Variants in ADGRD1 observed in about 807,000 individuals in gnomAD.
ADGRD1 encodes the protein adhesion G protein-coupled receptor D1.
ADGRD1 carries 77 observed loss-of-function variants against 113.4 expected under a neutral mutation model. The observed-to-expected ratio is 0.68, with a 90% CI of 0.57 to 0.82. The LOEUF (loss-of-function observed/expected upper bound fraction) is 0.82. Among genes scored for constraint, ADGRD1 ranks in the 40% least tolerant of loss-of-function variants. ADGRD1 has a pLI of 0.00. For synonymous variants in ADGRD1, 474 were observed against 475.0 expected, an observed-to-expected ratio of 1.00 and a Z score of 0.03; for missense variants, 1,036 against 1,139.1, an observed-to-expected ratio of 0.91 and a Z score of 1.30.
At chr12:131,116,040 C>T (rs569363409) in intron 18 of ADGRD1, among the ~76,000 whole-genome samples, 34 of 152,236 alleles carry the variant, frequency 2.2e-4, no homozygotes, top group Non-Finnish European at 4.3e-4. Flanking sequence ...CATCTTACTG[C>T]CCCTCTCCTT....
At chr12:131,015,401 AATGGAG>A (rs934482531) in intron 13 of ADGRD1, among the ~76,000 whole-genome samples, 20 of 141,074 alleles carry the variant, frequency 1.4e-4, no homozygotes, top group African/African-American at 5.4e-4. Flanking sequence ...TGGACATGGG[AATGGAG>A]ATGGAGATGG....
chr12:131,033,356 C>G (rs1359286898), intron 13 of ADGRD1, among the ~76,000 whole-genome samples: 1 of 152,246 alleles, frequency 6.6e-6, no homozygotes, highest in East Asian at 1.9e-4. Context: ...ATGCACCCCA[C>G]AAGCACTGCC....
chr12:131,054,030 T>C (rs754704587), intron 13 of ADGRD1, among the ~76,000 whole-genome samples: 2 of 152,196 alleles, frequency 1.3e-5, no homozygotes, highest in Non-Finnish European at 2.9e-5. Context: ...CCTTGGGTTT[T>C]AACCCCTCAC....
intron 2 of ADGRD1, among the ~76,000 whole-genome samples, chr12:130,960,284 C>T (rs1394358048): frequency 6.6e-6 from 1 of 152,150 alleles, no homozygotes; most frequent in Non-Finnish European, 1.5e-5. Flanking sequence ...TTTGGGGCGG[C>T]TCACTTCACC....
chr12:131,129,652 G>A (rs1479239122), intron 20 of ADGRD1, among the ~76,000 whole-genome samples: 2 of 152,232 alleles, frequency 1.3e-5, no homozygotes, highest in Non-Finnish European at 2.9e-5. Context: ...GAATGGCAGA[G>A]TCAGGACCTG....
chr12:131,006,264 G>A (rs561399088), intron 12 of ADGRD1, among the ~76,000 whole-genome samples: 3 of 152,348 alleles, frequency 2.0e-5, no homozygotes, highest in South Asian at 2.1e-4. Context: ...TCAGGAGCAC[G>A]GGCCAGAAGA....
Position 130,954,651 on chromosome 12 carries a change from G to C in ADGRD1, c.94G>C (p.Asp32His). Residue 32 changes from aspartate to histidine, a missense_variant, in exon 2 of 25, where the codon GAC becomes CAC. Coordinates refer to ENST00000261654, the MANE Select transcript of ADGRD1 (RefSeq NM_198827.5). This position sits in a 1 kb window ranked among gnomAD's most constrained non-coding sequence, Gnocchi z 4.7. ...QVRGVYSRSQ[D>H]HPGFQVLASA... ...GCGTGGCGTCTACTCCAGATCGCAG[G>C]ACCATCCAGGTAAGAGTGTTTCCTT... The C allele has an allele frequency of 6.2e-7, 1 of 1,613,190 alleles. No homozygotes were observed. Among genetic ancestry groups the C allele is most frequent in the Non-Finnish European group, 8.5e-7 (1 of 1,179,928 alleles).
chr12:131,103,598 C>G (rs1950149115), intron 15 of ADGRD1, among the ~76,000 whole-genome samples: 1 of 152,270 alleles, frequency 6.6e-6, no homozygotes, highest in African/African-American at 2.4e-5. Context: ...GAGCTGGGGC[C>G]CCCTGGGCCT....
In ADGRD1 at chr12:131,041,058, G is replaced by C. The variant is rs1882086844; in HGVS notation, c.1473+26718G>C. On this transcript the variant is annotated intron_variant, in intron 13 of 24. Coordinates refer to ENST00000261654, the MANE Select transcript of ADGRD1 (RefSeq NM_198827.5). The surrounding 1 kb of genome is among the most constrained non-coding windows in gnomAD (Gnocchi z 4.4). ...CTGGATGGTCCCTGGGGACATCTGA[G>C]TTGTGACCTGTGGTGATGATGCCAC... 6.6e-6 allele frequency among the ~76,000 whole-genome samples: 1 copy of C among 152,218 alleles called. No individual in the cohort carries two copies. The highest frequency in any genetic ancestry group is 1.5e-5 in the Non-Finnish European group (1 of 68,044).
At position 131,022,201 on chromosome 12, in the gene ADGRD1, T is replaced by C. The variant is rs918703809; in HGVS notation, c.1473+7861T>C. ...CATAGCAAATATGGGATGTGAATGCTCATTGTTGCCGGTAACGCTCACGTG... is the reference window on the plus strand; with the variant it reads ...CATAGCAAATATGGGATGTGAATGCCCATTGTTGCCGGTAACGCTCACGTG... On this transcript the variant is annotated intron_variant, in intron 13 of 24. Coordinates refer to ENST00000261654, the MANE Select transcript of ADGRD1 (RefSeq NM_198827.5). This position sits in a 1 kb window ranked among gnomAD's most constrained non-coding sequence, Gnocchi z 4.6. Among the ~76,000 whole-genome samples, 1 of 152,136 alleles carries C rather than the reference T, an allele frequency of 6.6e-6. No homozygotes were observed. The highest frequency in any genetic ancestry group is 1.5e-5 in the Non-Finnish European group (1 of 68,024).
intron 8 of ADGRD1, 42 bp from the exon 9 acceptor site, chr12:131,000,341 C>T: frequency 6.5e-7 from 1 of 1,542,262 alleles, no homozygotes; most frequent in Non-Finnish European, 9.0e-7. Context: ...AGTTTGTTGC[C>T]TAAGGACAGG....
Position 131,084,889 on chromosome 12 carries a change from G to A in ADGRD1, c.1671+226G>A, listed in dbSNP as rs1886346080. Among the ~76,000 whole-genome samples the A allele has an allele frequency of 6.6e-6, 1 of 152,212 alleles. No individual in the cohort carries two copies. Among genetic ancestry groups the A allele is most frequent in the Non-Finnish European group, 1.5e-5 (1 of 68,034 alleles). ...AGGAGCCCATGATTGTGTAAATCGA[G>A]TCCAGTGTGGTGTGCTTCGCACAGC... On this transcript the variant is annotated intron_variant, in intron 15 of 24. Transcript: ENST00000261654. The surrounding 1 kb of genome is among the most constrained non-coding windows in gnomAD (Gnocchi z 4.5).
chr12:131,024,178 C>T (rs544137477), intron 13 of ADGRD1: 8 of 152,430 alleles, frequency 5.2e-5, no homozygotes, highest in African/African-American at 7.2e-5. Flanking sequence ...CCCGGCAGAG[C>T]GGCCTGGGGG....
At chr12:131,136,292 G>A (rs562109814) in intron 22 of ADGRD1, 129 bp downstream of exon 22, 16 of 1,144,216 alleles carry the variant, frequency 1.4e-5, no homozygotes, top group East Asian at 1.3e-4. Context: ...CCTGTAATGC[G>A]GGGCATCCCC....
In ADGRD1 at chr12:131,084,898, G is replaced by A. The variant is rs1018706509; in HGVS notation, c.1671+235G>A. On this transcript the variant is annotated intron_variant, in intron 15 of 24. Transcript: ENST00000261654. This position sits in a 1 kb window ranked among gnomAD's most constrained non-coding sequence, Gnocchi z 4.5. ...TGATTGTGTAAATCGAGTCCAGTGT[G>A]GTGTGCTTCGCACAGCAACGCCCAG... 3.9e-5 allele frequency among the ~76,000 whole-genome samples: 6 copies of A among 152,188 alleles called. No individual in the cohort carries two copies. The highest frequency in any genetic ancestry group is 1.4e-4 in the African/African-American group (6 of 41,450).
intron 2 of ADGRD1, among the ~76,000 whole-genome samples, chr12:130,958,531 AT>A (rs1464477466): frequency 6.6e-6 from 1 of 152,014 alleles, no homozygotes; most frequent in Admixed American, 6.5e-5. Flanking sequence ...CTCTTCCGAC[AT>A]CTCAGGCTCT....
Position 131,136,919 on chromosome 12 carries a change from TCC to T in ADGRD1, c.2395-53_2395-52del, listed in dbSNP as rs1351121021. 3.5e-6 allele frequency: 5 copies of T among 1,418,720 alleles called. No individual in the cohort carries two copies. The African/African-American group carries it at 7.1e-5, about 20-fold the overall frequency. The allele number at this position is 1,418,720 out of a possible 1,614,324, so 87.9% of individuals were successfully genotyped here. On this transcript the variant is annotated intron_variant, in intron 22 of 24. Coordinates refer to ENST00000261654, the MANE Select transcript of ADGRD1 (RefSeq NM_198827.5). The stretch of plus-strand genomic sequence containing the variant: ...GCTGCATGGGAGGAACCTCCAGTGT[TCC>T]TAACTACGTGCAAAGGGCTCTAATC...
At chr12:131,077,142 G>A (rs890495513) in intron 14 of ADGRD1, among the ~76,000 whole-genome samples, 3 of 152,340 alleles carry the variant, frequency 2.0e-5, no homozygotes, top group East Asian at 1.9e-4. Flanking sequence ...TTTCAAGCCA[G>A]TGCAGCAGAT....
intron 6 of ADGRD1, 72 bp from the exon 7 acceptor site, chr12:130,990,942 C>G (rs924992238): frequency 6.4e-5 from 76 of 1,187,718 alleles, no homozygotes; most frequent in Admixed American, 3.0e-4. Flanking sequence ...ACATTTTTAA[C>G]AAGGACAGGT....
Sources: allele counts gnomAD v4.1 joint callset (sites outside exome capture counted in the v4.1 genomes callset), GRCh38; gene constraint gnomAD v4.1.1; non-coding constraint Gnocchi (gnomAD v3.1); transcripts MANE v1.5; gene names NCBI Gene and HGNC (gene_info 2026-07-23, HGNC 2026-07-21).